The following IGF1R variants were observed in gnomAD, a reference collection of about 807,000 sequenced individuals.
IGF1R encodes the protein insulin like growth factor 1 receptor.
Under a neutral mutation model 144.6 loss-of-function variants are expected in IGF1R, and 44 were observed. The observed-to-expected ratio is 0.30, with a 90% CI of 0.24 to 0.39. The LOEUF is 0.39. Ranked by LOEUF, IGF1R falls within the 10% of genes least tolerant of loss-of-function variation. The probability of loss-of-function intolerance (pLI) is 1.00; values close to 1 mark genes in which losing one functional copy is unlikely to be tolerated. For synonymous variants in IGF1R, 795 were observed against 722.8 expected (o/e 1.10, Z -1.60); for missense variants, 1,355 against 1,833.7 (o/e 0.74, Z 4.77).
At chr15:98,925,159 A>C (rs1039967068) in intron 13 of IGF1R, among the ~76,000 whole-genome samples, 1 of 152,160 alleles carries the variant, frequency 6.6e-6, no homozygotes, top group African/African-American at 2.4e-5. Context: ...ACAGGGCAGG[A>C]ATCTCCACGG....
In IGF1R at chr15:98,891,243, C is replaced by A; in HGVS notation, c.641-82C>A. On this transcript the variant is annotated intron_variant, in intron 2 of 20. Transcript: ENST00000650285. The surrounding 1 kb of genome is among the most constrained non-coding windows in gnomAD (Gnocchi z 4.7). The stretch of plus-strand genomic sequence containing the variant: ...TGGTGCTGGTGGTAGCAGTGAATGA[C>A]CCAGAAGGATGCTGGCCAGGCCCAG... 2 of 1,323,780 alleles carry A rather than the reference C, an allele frequency of 1.5e-6. No homozygotes were observed. The highest frequency in any genetic ancestry group is 2.1e-6 in the Non-Finnish European group (2 of 943,224). 82.0% of individuals were successfully genotyped at this position (1,323,780 alleles called of 1,614,324 possible). A position where few individuals can be genotyped will look rare whatever the true frequency, so the allele number is the denominator to read the frequency against.
rs552783164 is a variant in IGF1R at position 98,672,427 on chromosome 15, G to A, written c.94+22752G>A. On this transcript the variant is annotated intron_variant, in intron 1 of 20. Transcript: ENST00000650285. Reference sequence around the variant, plus strand: ...GAAAAATACAATACAAAAATTAGCCGCGTGTGGTGGTGTGCGCCTGTAGTC... The same window carrying A: ...GAAAAATACAATACAAAAATTAGCCACGTGTGGTGGTGTGCGCCTGTAGTC... Among the ~76,000 whole-genome samples the A allele has an allele frequency of 4.6e-5, 7 of 152,034 alleles. No individual in the cohort carries two copies. In the South Asian group the frequency reaches 8.3e-4, roughly 18 times the overall value.
intron 2 of IGF1R, among the ~76,000 whole-genome samples, chr15:98,865,617 G>T (rs916872383): frequency 2.0e-5 from 3 of 152,214 alleles, no homozygotes; most frequent in African/African-American, 4.8e-5. Flanking sequence ...ACTCCTTGGG[G>T]TTTTTTTCTC....
chr15:98,758,101 A>T (rs1014237174), intron 2 of IGF1R, among the ~76,000 whole-genome samples: 27 of 151,804 alleles, frequency 1.8e-4, no homozygotes, highest in Admixed American at 5.9e-4. Context: ...ATTCTAGTAG[A>T]TTCTTATTCC....
rs761581251 is a variant in IGF1R, at chr15:98,916,753, G to A, written c.2078G>A (p.Gly693Asp). The change falls in exon 10 of 21, where the codon GGT becomes GAT. Residue 693 changes from glycine (G) to aspartate (D), a missense_variant. Gly to Asp is a moderately conservative substitution (Grantham distance 94). Coordinates refer to ENST00000650285, the MANE Select transcript of IGF1R (RefSeq NM_000875.5). Reference sequence around the variant, plus strand: ...GAGAACCCCAAGACTGAGGTGTGTGGTGGGGAGAAAGGGCCTTGCTGCGCC... The same window carrying A: ...GAGAACCCCAAGACTGAGGTGTGTGATGGGGAGAAAGGGCCTTGCTGCGCC... Reference protein sequence around the residue: ...VTENPKTEVCGGEKGPCCACP... With the variant: ...VTENPKTEVCDGEKGPCCACP... The A allele has an allele frequency of 8.1e-6, 13 of 1,614,096 alleles. No individual in the cohort carries two copies. The highest frequency in any genetic ancestry group is 5.0e-5 in the Admixed American group (3 of 60,028).
chr15:98,687,348 G>T (rs2053354536), intron 1 of IGF1R, among the ~76,000 whole-genome samples: 1 of 152,198 alleles, frequency 6.6e-6, no homozygotes, highest in East Asian at 1.9e-4. Context: ...GAGAAGATGG[G>T]TGTTTTGATG....
chr15:98,930,494 A>C (rs984792988), intron 15 of IGF1R, among the ~76,000 whole-genome samples, 189 bp downstream of exon 15: 3 of 151,988 alleles, frequency 2.0e-5, no homozygotes, highest in African/African-American at 7.3e-5. Context: ...AGTTCAGTGA[A>C]TATGTCAAAA....
At chr15:98,812,793 C>T (rs377148560) in intron 2 of IGF1R, among the ~76,000 whole-genome samples, 21 of 152,224 alleles carry the variant, frequency 1.4e-4, no homozygotes, top group Middle Eastern at 3.2e-3. Context: ...TATTAATATA[C>T]TGTCAGGGTC....
Position 98,891,290 on chromosome 15 carries a change from C to G in IGF1R, c.641-35C>G. 6.3e-7 allele frequency: 1 copy of G among 1,597,208 alleles called. No homozygotes were observed. Among genetic ancestry groups the G allele is most frequent in the Middle Eastern group, 1.9e-4 (1 of 5,234 alleles). On this transcript the variant is annotated intron_variant, in intron 2 of 20. Transcript: ENST00000650285. The surrounding 1 kb of genome is among the most constrained non-coding windows in gnomAD (Gnocchi z 4.7). The stretch of plus-strand genomic sequence containing the variant: ...CCAGAGAAGGCGGTGCCTCCCCTGC[C>G]CGGTCTCATCTCCGTCTCTCCTCTC...
At chr15:98,691,667 G>T (rs1452828909) in intron 1 of IGF1R, among the ~76,000 whole-genome samples, 3 of 151,968 alleles carry the variant, frequency 2.0e-5, no homozygotes, top group African/African-American at 7.3e-5. Flanking sequence ...CCGGCCCATG[G>T]TTTTCTTATG....
chr15:98,719,951 A>G (rs2054208736), intron 2 of IGF1R, among the ~76,000 whole-genome samples: 1 of 152,250 alleles, frequency 6.6e-6, no homozygotes, highest in Non-Finnish European at 1.5e-5. Flanking sequence ...GTCATTAGAG[A>G]GAAATGGTAA....
chr15:98,934,287 T>C (rs915591705), intron 15 of IGF1R, among the ~76,000 whole-genome samples: 1 of 152,142 alleles, frequency 6.6e-6, no homozygotes, highest in African/African-American at 2.4e-5. Flanking sequence ...ATCCAAGAAG[T>C]AGGACCTTAC....
chr15:98,782,712 C>T (rs1304204042), intron 2 of IGF1R, among the ~76,000 whole-genome samples: 1 of 152,162 alleles, frequency 6.6e-6, no homozygotes, highest in Non-Finnish European at 1.5e-5. Flanking sequence ...CTGCAATAAA[C>T]GTGTCTTGGG....
intron 1 of IGF1R, among the ~76,000 whole-genome samples, chr15:98,696,492 T>TA (rs2053600948): frequency 6.6e-6 from 1 of 152,216 alleles, no homozygotes; most frequent in Non-Finnish European, 1.5e-5. Flanking sequence ...GTAGACCAAG[T>TA]ATGTGTTCCT....
intron 2 of IGF1R, among the ~76,000 whole-genome samples, chr15:98,728,729 G>A (rs1385498699): frequency 6.6e-6 from 1 of 152,236 alleles, no homozygotes; most frequent in Non-Finnish European, 1.5e-5. Flanking sequence ...CTCTCCCGAG[G>A]CCAGCTGGTG....
intron 2 of IGF1R, among the ~76,000 whole-genome samples, chr15:98,851,759 A>G (rs1352710705): frequency 6.6e-6 from 1 of 152,228 alleles, no homozygotes; most frequent in Non-Finnish European, 1.5e-5. Flanking sequence ...GTCAGATGAT[A>G]GCCTGGGTGA....
Position 98,963,786 on chromosome 15 carries a change from CA to C in IGF1R, c.*6346del, listed in dbSNP as rs1350456034. On this transcript the variant is annotated 3_prime_UTR_variant, in exon 21 of 21. Transcript: ENST00000650285. ...GCAGAACCCCGAAGATACGTATTTC[CA>C]ATACAGAAAAGAATTTTTAATAAAA... 34 of 232,746 alleles carry C rather than the reference CA, an allele frequency of 1.5e-4. No individual in the cohort carries two copies. The highest frequency in any genetic ancestry group is 2.2e-5 in the African/African-American group (1 of 45,276). 14.4% of individuals were successfully genotyped at this position (232,746 alleles called of 1,614,324 possible). A position where few individuals can be genotyped will look rare whatever the true frequency, so the allele number is the denominator to read the frequency against.
intron 1 of IGF1R, among the ~76,000 whole-genome samples, chr15:98,665,826 G>T (rs1282361804): frequency 1.3e-5 from 2 of 152,204 alleles, no homozygotes; most frequent in African/African-American, 4.8e-5. Context: ...AGAAGGAGCT[G>T]CTCTCTTGCT....
chr15:98,804,761 A>C (rs1292123089), intron 2 of IGF1R, among the ~76,000 whole-genome samples: 4 of 152,208 alleles, frequency 2.6e-5, no homozygotes, highest in Non-Finnish European at 4.4e-5. Flanking sequence ...GCAATTGTGC[A>C]ATCTCGGCTC....
Sources: allele counts gnomAD v4.1 joint callset (sites outside exome capture counted in the v4.1 genomes callset), GRCh38; gene constraint gnomAD v4.1.1; non-coding constraint Gnocchi (gnomAD v3.1); transcripts MANE v1.5; gene names NCBI Gene and HGNC (gene_info 2026-07-23, HGNC 2026-07-21).